KANSL1L: variants seen among roughly 807,000 people sequenced by gnomAD.
The protein encoded by KANSL1L is KAT8 regulatory NSL complex subunit 1-like protein.
A neutral mutation model predicts 108.6 loss-of-function variants in KANSL1L; 25 were observed. That is an observed-to-expected ratio of 0.23 (90% confidence interval 0.17 to 0.32). KANSL1L has a LOEUF of 0.32. Among genes scored for constraint, KANSL1L ranks in the 10% least tolerant of loss-of-function variants. The pLI is 1.00. For missense variants in KANSL1L, 1,137 were observed against 1,125.7 expected (o/e 1.01, Z -0.14); for synonymous variants, 405 against 395.1 (o/e 1.03, Z -0.30).
intron 13 of KANSL1L, 23 bp downstream of exon 13, chr2:210,025,081 G>C: frequency 7.1e-7 from 1 of 1,402,626 alleles, no homozygotes; most frequent in Non-Finnish European, 1.0e-6. Flanking sequence ...TCTATGGCTT[G>C]GGGTTTTAAA....
intron 2 of KANSL1L, among the ~76,000 whole-genome samples, chr2:210,146,284 C>T (rs774501055): frequency 6.6e-6 from 1 of 152,124 alleles, no homozygotes; most frequent in Non-Finnish European, 1.5e-5. Context: ...AACATTTGAG[C>T]CCTCCCAAGG....
chr2:210,143,545 T>C (rs927324065), intron 2 of KANSL1L, among the ~76,000 whole-genome samples: 1 of 152,192 alleles, frequency 6.6e-6, no homozygotes, highest in Non-Finnish European at 1.5e-5. Flanking sequence ...CCTTTCTTCC[T>C]CTCTTGCTGT....
At chr2:210,110,812 T>G (rs1028275697) in intron 3 of KANSL1L, among the ~76,000 whole-genome samples, 8 of 152,162 alleles carry the variant, frequency 5.3e-5, no homozygotes, top group Non-Finnish European at 1.0e-4. Flanking sequence ...AAACATGGAC[T>G]CTGGGCTGGG....
intron 6 of KANSL1L, among the ~76,000 whole-genome samples, chr2:210,057,516 A>G (rs890708662): frequency 6.6e-6 from 1 of 152,172 alleles, no homozygotes; most frequent in African/African-American, 2.4e-5. Flanking sequence ...CCTGGGTAAC[A>G]TGGTGAAACC....
At chr2:210,076,184 T>C (rs2094540974) in intron 5 of KANSL1L, among the ~76,000 whole-genome samples, 4 of 152,142 alleles carry the variant, frequency 2.6e-5, no homozygotes, top group Admixed American at 2.6e-4. Flanking sequence ...TTTTGTTTTT[T>C]GTTTTTTGTT....
intron 3 of KANSL1L, among the ~76,000 whole-genome samples, chr2:210,112,143 T>C (rs1324993551): frequency 1.3e-5 from 2 of 152,184 alleles, no homozygotes; most frequent in East Asian, 3.8e-4. Context: ...TTGTTGGACA[T>C]TTAGGTTGGT....
chr2:210,027,838 A>G (rs568010135), intron 11 of KANSL1L, among the ~76,000 whole-genome samples: 2 of 152,322 alleles, frequency 1.3e-5, no homozygotes, highest in African/African-American at 4.8e-5. Flanking sequence ...TATTTTTGCT[A>G]TAGAACGTCA....
intron 2 of KANSL1L, among the ~76,000 whole-genome samples, chr2:210,140,809 CCATTTTTT>C (rs1434785564): frequency 6.6e-6 from 1 of 152,054 alleles, no homozygotes; most frequent in Admixed American, 6.6e-5. Context: ...GTTTCTTTTT[CCATTTTTT>C]CATTCATGTT....
chr2:210,135,238 C>T (rs1370395492), intron 2 of KANSL1L, among the ~76,000 whole-genome samples: 2 of 151,966 alleles, frequency 1.3e-5, no homozygotes, highest in Non-Finnish European at 2.9e-5. Context: ...ACACAGAAAC[C>T]CGATATAGAG....
chr2:210,159,473 A>G (rs4673501), intron 1 of KANSL1L, among the ~76,000 whole-genome samples: 86,050 of 152,000 alleles, frequency 0.57, 26,688 homozygotes, highest in Middle Eastern at 0.75. Context: ...ACCTGACATT[A>G]TATTACATTC....
chr2:210,131,973 A>G lies in KANSL1L; in HGVS notation c.1089-2801T>C, dbSNP rs182299588. 5.3e-5 allele frequency among the ~76,000 whole-genome samples: 8 copies of G among 152,348 alleles called. No homozygotes were observed. The East Asian group carries it at 1.5e-3, about 29-fold the overall frequency. On this transcript the variant is annotated intron_variant, in intron 2 of 14. Coordinates refer to ENST00000281772, the MANE Select transcript of KANSL1L (RefSeq NM_152519.4). ...CGGCCTCCCAAAGTGCTGGGATTACAGGCATAAGCCAGAAAGCCCGGCCTG... is the reference window on the plus strand; with the variant it reads ...CGGCCTCCCAAAGTGCTGGGATTACGGGCATAAGCCAGAAAGCCCGGCCTG...
chr2:210,074,153 G>A (rs965226135), intron 6 of KANSL1L, among the ~76,000 whole-genome samples: 1 of 152,062 alleles, frequency 6.6e-6, no homozygotes, highest in Non-Finnish European at 1.5e-5. Flanking sequence ...AATTATTGGG[G>A]TGACAATATG....
intron 3 of KANSL1L, among the ~76,000 whole-genome samples, chr2:210,114,832 TTA>T (rs1177897284): frequency 6.6e-6 from 1 of 152,042 alleles, no homozygotes; most frequent in East Asian, 1.9e-4. Context: ...AAATGAGTTT[TTA>T]TATGTTACTA....
intron 14 of KANSL1L, 23 bp from the exon 15 acceptor site, chr2:210,023,202 T>TTAAG (rs755425644): frequency 2.5e-6 from 4 of 1,570,206 alleles, no homozygotes; most frequent in Non-Finnish European, 3.5e-6. Context: ...AAATTTTCAG[T>TTAAG]TAAGTTTCAA....
At position 210,075,760 on chromosome 2, in the gene KANSL1L, A is replaced by T. The variant is rs778296595; in HGVS notation, c.1551-4T>A. 10 of 1,606,274 alleles carry T rather than the reference A, an allele frequency of 6.2e-6. No homozygotes were observed. Among genetic ancestry groups the T allele is most frequent in the Non-Finnish European group, 8.5e-6 (10 of 1,173,184 alleles). The stretch of plus-strand genomic sequence containing the variant: ...CTCATCTAAATTCTCTGATGCACTG[A>T]AATGCCATGAAATAATTAGGGCGTG... On this transcript the variant is annotated splice_polypyrimidine_tract_variant and splice_region_variant and intron_variant, in intron 5 of 14. Transcript: ENST00000281772.
chr2:210,030,533 TAC>T (rs1491158659), intron 9 of KANSL1L, among the ~76,000 whole-genome samples: 23 of 120,996 alleles, frequency 1.9e-4, no homozygotes, highest in African/African-American at 5.9e-4. Flanking sequence ...GGTTCCCAGT[TAC>T]TGTGTGTGTG....
At chr2:210,119,567 A>G (rs977853144) in intron 3 of KANSL1L, among the ~76,000 whole-genome samples, 1 of 152,214 alleles carries the variant, frequency 6.6e-6, no homozygotes, top group African/African-American at 2.4e-5. Context: ...AGATCATATC[A>G]ACAGAAAGAA....
intron 3 of KANSL1L, among the ~76,000 whole-genome samples, chr2:210,110,053 G>C (rs1303763372): frequency 1.3e-5 from 2 of 152,112 alleles, no homozygotes. Flanking sequence ...CCATCTCTCT[G>C]TTTTCAGGCA....
At chr2:210,054,340 A>G (rs1394679541) in intron 6 of KANSL1L, among the ~76,000 whole-genome samples, 1 of 123,210 alleles carries the variant, frequency 8.1e-6, no homozygotes, top group East Asian at 2.4e-4. Flanking sequence ...AAAAAAAAAA[A>G]TGGTAACTAG....
Sources: gnomAD v4.1 joint callset for allele counts (sites outside exome capture counted in the v4.1 genomes callset) on GRCh38, gnomAD v4.1.1 for gene constraint, MANE v1.5 for transcripts, NCBI Gene and HGNC (gene_info 2026-07-23, HGNC 2026-07-21) for gene names.